Variants in ITGB2 observed in about 807,000 individuals in gnomAD.
ITGB2 encodes integrin beta-2.
ITGB2 carries 56 observed loss-of-function variants against 86.8 expected under a neutral mutation model. That is an observed-to-expected ratio of 0.65 (90% CI 0.52 to 0.81). ITGB2 has a LOEUF of 0.81. Among genes scored for constraint, ITGB2 ranks in the 30% least tolerant of loss-of-function variants. The probability of loss-of-function intolerance (pLI) is 0.00; values close to 1 mark genes in which losing one functional copy is unlikely to be tolerated. For missense variants in ITGB2, 948 were observed against 1,061.2 expected, an observed-to-expected ratio of 0.89 and a Z score of 1.48; for synonymous variants, 457 against 450.4, an observed-to-expected ratio of 1.01 and a Z score of -0.19.
chr21:44,900,625 TC>T, intron 6 of ITGB2, 150 bp from the exon 7 acceptor site: 1 of 924,424 alleles, frequency 1.1e-6, no homozygotes, highest in Non-Finnish European at 1.6e-6. Context: ...CCAGCTGTGT[TC>T]CCCCAGACGC....
rs188588010 is a variant in ITGB2, at chr21:44,893,941, T to C, written c.1084-397A>G. On this transcript the variant is annotated intron_variant, in intron 9 of 15. Coordinates refer to ENST00000652462, the MANE Select transcript of ITGB2 (RefSeq NM_000211.5). ...AGAGCCAGAGCCAGAGACAGAGAGA[T>C]GGAGAGAAACAGAGAGAGGCAGAGA... 491 of 321,846 alleles carry C rather than the reference T, an allele frequency of 1.5e-3. 2 individuals carry two copies. The highest frequency in any genetic ancestry group is 0.01 in the African/African-American group (461 of 45,430). 19.9% of individuals were successfully genotyped at this position (321,846 alleles called of 1,614,324 possible).
intron 1 of ITGB2, among the ~76,000 whole-genome samples, chr21:44,920,260 G>T (rs937340120): frequency 6.6e-6 from 1 of 151,746 alleles, no homozygotes; most frequent in East Asian, 1.9e-4. Flanking sequence ...ACCACACTAC[G>T]CTATGCCACA....
chr21:44,922,353 A>G (rs530831298), upstream of ITGB2, among the ~76,000 whole-genome samples: 1 of 152,210 alleles, frequency 6.6e-6, no homozygotes, highest in South Asian at 2.1e-4. Context: ...GCATGTATAT[A>G]CCTGAAAAAA....
At chr21:44,928,208 C>T (rs1042781949) in intron 1 of ITGB2, 8 of 152,336 alleles carry the variant, frequency 5.3e-5, no homozygotes, top group Middle Eastern at 3.4e-3. Context: ...CACCTGTCAC[C>T]CCCTGTCCAG....
chr21:44,912,355 T>C (rs1054535548), intron 1 of ITGB2, among the ~76,000 whole-genome samples: 1 of 152,168 alleles, frequency 6.6e-6, no homozygotes, highest in African/African-American at 2.4e-5. Flanking sequence ...CCTGCACCTG[T>C]GCTGGGGGCT....
upstream of ITGB2, among the ~76,000 whole-genome samples, chr21:44,925,137 CTTT>C (rs71334038): frequency 1.4e-5 from 2 of 144,956 alleles, no homozygotes; most frequent in Non-Finnish European, 3.0e-5. Context: ...TAGTTTATAT[CTTT>C]TTTTTTTTTT....
intron 7 of ITGB2, among the ~76,000 whole-genome samples, chr21:44,899,998 G>T (rs1016043744): frequency 6.6e-6 from 1 of 152,180 alleles, no homozygotes; most frequent in South Asian, 2.1e-4. Flanking sequence ...GGGTGCAGCC[G>T]TAGCCTGGGG....
At chr21:44,887,531 A>G (rs2083716637) in intron 14 of ITGB2, among the ~76,000 whole-genome samples, 1 of 151,802 alleles carries the variant, frequency 6.6e-6, no homozygotes, top group South Asian at 2.1e-4. Flanking sequence ...CCCTCCTGCC[A>G]TCCTGACCTG....
At chr21:44,909,165 C>G (rs1011074279) in intron 3 of ITGB2, among the ~76,000 whole-genome samples, 2 of 152,194 alleles carry the variant, frequency 1.3e-5, no homozygotes, top group Admixed American at 1.3e-4. Context: ...CTCACCAGCC[C>G]ACAGTGGCTG....
chr21:44,925,806 C>A (rs545536931), upstream of ITGB2, among the ~76,000 whole-genome samples: 1 of 152,144 alleles, frequency 6.6e-6, no homozygotes, highest in African/African-American at 2.4e-5. Flanking sequence ...AGGCCGGGCG[C>A]GGGGGCTCAC....
chr21:44,895,269 G>A (rs545799929), intron 8 of ITGB2, among the ~76,000 whole-genome samples: 2 of 152,282 alleles, frequency 1.3e-5, no homozygotes, highest in Admixed American at 6.5e-5. Flanking sequence ...CAGGGGCCAC[G>A]CCTGGAATAC....
At chr21:44,907,979 C>T in intron 3 of ITGB2, 1 of 701,760 alleles carries the variant, frequency 1.4e-6, no homozygotes, top group African/African-American at 1.8e-5. Flanking sequence ...CACACAGAAA[C>T]AAACAAATCT....
rs2083747313 is a variant in ITGB2 at position 44,889,219 on chromosome 21, G to A, written c.1877+57C>T. The A allele has an allele frequency of 2.6e-6, 4 of 1,543,466 alleles. No homozygotes were observed. In the Admixed American group the frequency reaches 5.0e-5, roughly 19 times the overall value. On this transcript the variant is annotated intron_variant, in intron 13 of 15. Transcript: ENST00000652462. ...GTCCCCGAGTGAGCCCGGCTGCTGG[G>A]TAGGTGGCCGGGGAGTGGGGATCCC... is the stretch of plus-strand genomic sequence containing the variant.
chr21:44,908,057 AC>A (rs1207085271), intron 3 of ITGB2: 10 of 717,432 alleles, frequency 1.4e-5, no homozygotes, highest in Admixed American at 4.0e-5. Flanking sequence ...ACCCAGCCTG[AC>A]CAAGGTAGTT....
chr21:44,926,629 C>T (rs1047702583), intron 1 of ITGB2, among the ~76,000 whole-genome samples: 11 of 152,310 alleles, frequency 7.2e-5, no homozygotes, highest in East Asian at 1.9e-4. Context: ...GTCAGGTGGG[C>T]GAAACTGGCC....
At chr21:44,909,461 G>A (rs1477789208) in intron 3 of ITGB2, 2 of 152,448 alleles carry the variant, frequency 1.3e-5, no homozygotes, top group Non-Finnish European at 2.9e-5. Flanking sequence ...GATTCAAGAA[G>A]CCCAAGGAGA....
At chr21:44,899,937 G>T (rs1190154274) in intron 7 of ITGB2, among the ~76,000 whole-genome samples, 1 of 152,246 alleles carries the variant, frequency 6.6e-6, no homozygotes, top group Admixed American at 6.5e-5. Flanking sequence ...GCCGGGAGGG[G>T]GAGGAGGCGG....
At chr21:44,922,849 GA>G (rs2084326257), upstream of ITGB2, 1 of 152,090 alleles carries the variant, frequency 6.6e-6, no homozygotes, top group Non-Finnish European at 1.5e-5. Flanking sequence ...TTGGGTTTTA[GA>G]AATAAAGAGA....
chr21:44,902,343 ATGTGTGTGAGCATGCATT>A (rs1215160102), intron 5 of ITGB2, among the ~76,000 whole-genome samples: 4 of 152,114 alleles, frequency 2.6e-5, no homozygotes, highest in East Asian at 3.9e-4. Context: ...GCATGCATTC[ATGTGTGTGAGCATGCATT>A]TGTGTGTGAG....
Sources: gnomAD v4.1 joint callset for allele counts (sites outside exome capture counted in the v4.1 genomes callset) on GRCh38, gnomAD v4.1.1 for gene constraint, MANE v1.5 for transcripts, NCBI Gene and HGNC (gene_info 2026-07-23, HGNC 2026-07-21) for gene names.